Variants in FAM227B observed in about 807,000 individuals in gnomAD.
The protein encoded by FAM227B is protein FAM227B.
Under a neutral mutation model 73.8 loss-of-function variants are expected in FAM227B, and 88 were observed. The ratio of observed to expected loss-of-function variants is 1.19; its 90% CI spans 1.00 to 1.42. FAM227B has a LOEUF of 1.42. Ranked by LOEUF, FAM227B falls within the 40% of genes most tolerant of loss-of-function variation. The probability of loss-of-function intolerance (pLI) is 0.00; values close to 1 mark genes in which losing one functional copy is unlikely to be tolerated. For synonymous variants in FAM227B, 210 were observed against 190.5 expected (o/e 1.10, Z -0.84); for missense variants, 632 against 590.9 (o/e 1.07, Z -0.72).
At chr15:49,430,754 A>G (rs2050537244) in intron 11 of FAM227B, among the ~76,000 whole-genome samples, 2 of 151,172 alleles carry the variant, frequency 1.3e-5, no homozygotes, top group Non-Finnish European at 3.0e-5. Flanking sequence ...CTCACTTCTG[A>G]GAAAATGACA....
chr15:49,457,260 T>C (rs567590420), intron 11 of FAM227B, among the ~76,000 whole-genome samples: 41 of 151,978 alleles, frequency 2.7e-4, no homozygotes, highest in Non-Finnish European at 4.3e-4. Flanking sequence ...TACTATAATA[T>C]TCCAAATGCG....
chr15:49,616,060 T>C (rs746992281), intron 1 of FAM227B, among the ~76,000 whole-genome samples: 2 of 152,236 alleles, frequency 1.3e-5, no homozygotes, highest in Non-Finnish European at 2.9e-5. Flanking sequence ...CTGCTAGTTA[T>C]GTTCCCTGAA....
At chr15:49,523,447 C>T (rs2059927776) in intron 10 of FAM227B, among the ~76,000 whole-genome samples, 1 of 152,186 alleles carries the variant, frequency 6.6e-6, no homozygotes. Flanking sequence ...CTGCCTTCCA[C>T]CACGATTGTG....
At chr15:49,408,631 C>T (rs899959902) in intron 11 of FAM227B, among the ~76,000 whole-genome samples, 9 of 152,098 alleles carry the variant, frequency 5.9e-5, no homozygotes, top group African/African-American at 2.2e-4. Flanking sequence ...GAATGCTGGA[C>T]ATTACAAATC....
intron 11 of FAM227B, among the ~76,000 whole-genome samples, chr15:49,444,656 C>G (rs1012370552): frequency 6.6e-6 from 1 of 151,642 alleles, no homozygotes; most frequent in African/African-American, 2.4e-5. Context: ...ACCTTCTTAG[C>G]CTAATATTCT....
At chr15:49,581,808 G>T (rs1246618159) in intron 5 of FAM227B, among the ~76,000 whole-genome samples, 1 of 152,130 alleles carries the variant, frequency 6.6e-6, no homozygotes, top group Non-Finnish European at 1.5e-5. Context: ...ACCGTTACTA[G>T]CCACCAGAGA....
At chr15:49,578,364 G>A (rs1216623109) in intron 5 of FAM227B, among the ~76,000 whole-genome samples, 1 of 152,118 alleles carries the variant, frequency 6.6e-6, no homozygotes, top group Admixed American at 6.6e-5. Context: ...ATATTTTAAT[G>A]TCTACTACAC....
intron 11 of FAM227B, among the ~76,000 whole-genome samples, chr15:49,374,734 G>A (rs192348182): frequency 1.3e-5 from 2 of 152,274 alleles, no homozygotes; most frequent in East Asian, 1.9e-4. Flanking sequence ...AGTAGAGACT[G>A]GGTTTGACCA....
intron 11 of FAM227B, among the ~76,000 whole-genome samples, chr15:49,503,182 C>G (rs1308778946): frequency 1.3e-5 from 2 of 152,080 alleles, no homozygotes; most frequent in Admixed American, 6.5e-5. Flanking sequence ...GGGAAGGATT[C>G]CCTGTTTAAT....
At chr15:49,377,145 G>A (rs138875880) in intron 11 of FAM227B, among the ~76,000 whole-genome samples, 184 of 151,980 alleles carry the variant, frequency 1.2e-3, no homozygotes, top group African/African-American at 4.3e-3. Flanking sequence ...TTGTCTTTCT[G>A]TGCCTGGCTT....
At position 49,327,938 on chromosome 15, in the gene FAM227B, CCTCA is replaced by C. The variant is rs776364370; in HGVS notation, c.*626_*629del. 3.1e-6 allele frequency: 5 copies of C among 1,589,558 alleles called. No individual in the cohort carries two copies. The highest frequency in any genetic ancestry group is 3.4e-6 in the Non-Finnish European group (4 of 1,167,580). ...CATTTATAGGTTCTAATATTTTTTT[CCTCA>C]CTGTTTTAGGAAGTTTGGGGCTCAA... On this transcript the variant is annotated 3_prime_UTR_variant, in exon 16 of 16. Coordinates refer to ENST00000299338, the MANE Select transcript of FAM227B (RefSeq NM_152647.3).
intron 11 of FAM227B, among the ~76,000 whole-genome samples, chr15:49,503,095 G>C (rs151307324): frequency 0.012 from 1,758 of 152,256 alleles, 16 homozygotes; most frequent in Middle Eastern, 0.037. Context: ...CAATGGAACA[G>C]AACAGAGCCC....
In FAM227B at chr15:49,503,693, C is replaced by G. The variant is rs553130635; in HGVS notation, c.1012+4518G>C. 9.2e-5 allele frequency among the ~76,000 whole-genome samples: 14 copies of G among 152,226 alleles called. 1 individual carries two copies. In the South Asian group the frequency reaches 2.7e-3, roughly 29 times the overall value. Reference sequence around the variant, plus strand: ...TGAAAAAATGCTCATCATCACTGGCCACCAGAGAAATGCAAATCAAAACCA... The same window carrying G: ...TGAAAAAATGCTCATCATCACTGGCGACCAGAGAAATGCAAATCAAAACCA... On this transcript the variant is annotated intron_variant, in intron 11 of 15. Transcript: ENST00000299338.
intron 11 of FAM227B, among the ~76,000 whole-genome samples, chr15:49,446,609 G>A (rs1337655703): frequency 6.6e-6 from 1 of 151,326 alleles, no homozygotes; most frequent in Non-Finnish European, 1.5e-5. Context: ...TTTTAAAGAA[G>A]AGAACAAAAT....
In FAM227B at chr15:49,327,469, A is replaced by G. The variant is rs1476481249; in HGVS notation, c.*1099T>C. The G allele has an allele frequency of 3.9e-5, 6 of 152,594 alleles. No homozygotes were observed. The highest frequency in any genetic ancestry group is 8.8e-5 in the Non-Finnish European group (6 of 68,308). The allele number at this position is 152,594 out of a possible 1,614,324, so 9.5% of individuals were successfully genotyped here. On this transcript the variant is annotated 3_prime_UTR_variant, in exon 16 of 16. Transcript: ENST00000299338. ...TCTTCTTTGAAACAGCCCGGCCTTA[A>G]GAATGCAGCTGAAATAGCCATTGGG...
intron 11 of FAM227B, among the ~76,000 whole-genome samples, chr15:49,426,474 A>G (rs2050142004): frequency 6.6e-6 from 1 of 151,992 alleles, no homozygotes; most frequent in Non-Finnish European, 1.5e-5. Context: ...TAGATGTAAA[A>G]TCCAGTGAAA....
chr15:49,473,619 C>A (rs1332642378), intron 11 of FAM227B, among the ~76,000 whole-genome samples: 1 of 151,954 alleles, frequency 6.6e-6, no homozygotes, highest in Non-Finnish European at 1.5e-5. Flanking sequence ...CTCTCTACCC[C>A]AGCAATATTT....
intron 11 of FAM227B, among the ~76,000 whole-genome samples, chr15:49,373,687 T>G (rs1157989738): frequency 1.3e-5 from 2 of 152,130 alleles, no homozygotes; most frequent in Non-Finnish European, 2.9e-5. Flanking sequence ...TGTTATCCCC[T>G]CTAAAAGGGA....
intron 9 of FAM227B, among the ~76,000 whole-genome samples, chr15:49,545,618 T>C (rs953243240): frequency 6.6e-6 from 1 of 152,178 alleles, no homozygotes; most frequent in Non-Finnish European, 1.5e-5. Flanking sequence ...CTTTTTGATA[T>C]AGACATTTAA....
Sources: gnomAD v4.1 joint callset for allele counts (sites outside exome capture counted in the v4.1 genomes callset) on GRCh38, gnomAD v4.1.1 for gene constraint, MANE v1.5 for transcripts, NCBI Gene and HGNC (gene_info 2026-07-23, HGNC 2026-07-21) for gene names.